LRRC4C: variants seen among roughly 807,000 people sequenced by gnomAD.
LRRC4C encodes the protein leucine-rich repeat-containing protein 4C.
Under a neutral mutation model 33.6 loss-of-function variants are expected in LRRC4C, and 5 were observed. The ratio of observed to expected loss-of-function variants is 0.15; its 90% CI spans 0.08 to 0.31. LRRC4C has a LOEUF of 0.31. LRRC4C is among the 10% of genes least tolerant of loss of function. LRRC4C has a pLI of 1.00. For synonymous variants in LRRC4C, 329 were observed against 302.0 expected, an observed-to-expected ratio of 1.09 and a Z score of -0.93; for missense variants, 560 against 796.7, an observed-to-expected ratio of 0.70 and a Z score of 3.58.
intron 5 of LRRC4C, among the ~76,000 whole-genome samples, chr11:40,156,410 C>T (rs1368968552): frequency 2.6e-5 from 4 of 152,110 alleles, no homozygotes; most frequent in Admixed American, 6.6e-5. Context: ...GTCAAACTGT[C>T]ACTGTTTGCT....
intron 4 of LRRC4C, among the ~76,000 whole-genome samples, chr11:40,298,446 A>ATC (rs1221502568): frequency 2.0e-5 from 3 of 150,336 alleles, no homozygotes; most frequent in Non-Finnish European, 3.0e-5. Context: ...CCCCACATGC[A>ATC]TCTCTCTCTC....
chr11:40,303,823 T>C (rs1235545186), intron 4 of LRRC4C, among the ~76,000 whole-genome samples: 1 of 152,210 alleles, frequency 6.6e-6, no homozygotes, highest in East Asian at 1.9e-4. Context: ...TTTGGGCTTT[T>C]AGATTTTACG....
chr11:40,730,152 A>C (rs531992851), intron 2 of LRRC4C, among the ~76,000 whole-genome samples: 2 of 152,316 alleles, frequency 1.3e-5, no homozygotes, highest in South Asian at 4.1e-4. Context: ...AACTAATGCT[A>C]GATGACAAGT....
At chr11:40,844,249 A>T (rs562682037) in intron 2 of LRRC4C, among the ~76,000 whole-genome samples, 113 of 152,032 alleles carry the variant, frequency 7.4e-4, no homozygotes, top group Non-Finnish European at 1.5e-3. Flanking sequence ...AAAAAAAAAA[A>T]ATACAAAATA....
intron 1 of LRRC4C, among the ~76,000 whole-genome samples, chr11:41,107,488 T>G (rs651384): frequency 0.96 from 146,008 of 152,058 alleles, 70,415 homozygotes; most frequent in East Asian, 1. Context: ...TATTTATGTT[T>G]TATTTCTAAA....
chr11:40,973,839 C>T (rs923745363), intron 1 of LRRC4C, among the ~76,000 whole-genome samples: 1 of 151,496 alleles, frequency 6.6e-6, no homozygotes, highest in Non-Finnish European at 1.5e-5. Context: ...TCCCTTTTTT[C>T]AAGCAACTGT....
intron 1 of LRRC4C, among the ~76,000 whole-genome samples, chr11:41,344,393 T>A (rs1211347501): frequency 6.6e-6 from 1 of 152,068 alleles, no homozygotes; most frequent in Non-Finnish European, 1.5e-5. Flanking sequence ...GCTAATTTTT[T>A]GTATTTTTAG....
chr11:40,240,231 G>C (rs189012482), intron 5 of LRRC4C, among the ~76,000 whole-genome samples: 40 of 152,164 alleles, frequency 2.6e-4, no homozygotes, highest in Admixed American at 1.1e-3. Context: ...AAAGAAAAAA[G>C]ATTTCTCCAG....
At chr11:41,196,065 A>T (rs1224740689) in intron 1 of LRRC4C, among the ~76,000 whole-genome samples, 1 of 152,064 alleles carries the variant, frequency 6.6e-6, no homozygotes, top group East Asian at 1.9e-4. Context: ...ATTTGGACAC[A>T]ATAGAAGGGG....
At chr11:40,207,613 A>G (rs1863256656) in intron 5 of LRRC4C, among the ~76,000 whole-genome samples, 1 of 152,174 alleles carries the variant, frequency 6.6e-6, no homozygotes, top group African/African-American at 2.4e-5. Context: ...AAAAACAAAG[A>G]AATAGGAGAG....
chr11:41,330,038 G>A (rs1951244176), intron 1 of LRRC4C, among the ~76,000 whole-genome samples: 1 of 152,172 alleles, frequency 6.6e-6, no homozygotes. Flanking sequence ...AAACTTTGTT[G>A]GTTTGGAACT....
intron 3 of LRRC4C, among the ~76,000 whole-genome samples, chr11:40,559,831 C>T (rs1565504842): frequency 6.6e-6 from 1 of 151,826 alleles, no homozygotes; most frequent in Non-Finnish European, 1.5e-5. Context: ...TGATATTAAG[C>T]TTTTTTTTCA....
intron 2 of LRRC4C, among the ~76,000 whole-genome samples, chr11:40,910,837 C>A (rs1465508615): frequency 6.6e-6 from 1 of 152,174 alleles, no homozygotes; most frequent in Non-Finnish European, 1.5e-5. Context: ...AAAATCAGGT[C>A]ACTCCCACCC....
chr11:40,356,184 C>T (rs55648458), intron 3 of LRRC4C, among the ~76,000 whole-genome samples: 1,775 of 152,076 alleles, frequency 0.012, 29 homozygotes, highest in African/African-American at 0.04. Context: ...ATTTCAAAGG[C>T]GTAAACACTC....
At position 40,910,308 on chromosome 11, in the gene LRRC4C, A is replaced by C. The variant is rs185662915; in HGVS notation, c.-407+23327T>G. Among the ~76,000 whole-genome samples, 296 of 152,302 alleles carry C rather than the reference A, an allele frequency of 1.9e-3. 1 individual carries two copies. The highest frequency in any genetic ancestry group is 6.8e-3 in the African/African-American group (281 of 41,558). ...TCTATTTTATTCAAAAAATTACCCAAGACAAAAAAAGGAAAGGATTAGGAA... is the reference window on the plus strand; with the variant it reads ...TCTATTTTATTCAAAAAATTACCCACGACAAAAAAAGGAAAGGATTAGGAA... On this transcript the variant is annotated intron_variant, in intron 2 of 6. Transcript: ENST00000528697.
intron 3 of LRRC4C, among the ~76,000 whole-genome samples, chr11:40,400,604 C>T (rs1380824204): frequency 2.0e-5 from 3 of 152,102 alleles, no homozygotes; most frequent in Non-Finnish European, 2.9e-5. Context: ...CCCTCCATCT[C>T]CATTTCTTGC....
intron 3 of LRRC4C, among the ~76,000 whole-genome samples, chr11:40,450,662 A>G (rs1951841651): frequency 6.6e-6 from 1 of 152,012 alleles, no homozygotes; most frequent in South Asian, 2.1e-4. Context: ...ACAATTAGAA[A>G]TATTATAGTT....
chr11:40,733,950 T>C (rs1947732056), intron 2 of LRRC4C, among the ~76,000 whole-genome samples: 2 of 152,184 alleles, frequency 1.3e-5, no homozygotes, highest in Admixed American at 1.3e-4. Context: ...TACTGTTACC[T>C]GGGAAAGAGG....
intron 1 of LRRC4C, among the ~76,000 whole-genome samples, chr11:41,034,616 T>C (rs1291145929): frequency 1.2e-5 from 1 of 85,938 alleles, no homozygotes; most frequent in East Asian, 4.9e-4. Context: ...CGTATATATA[T>C]ATATATATAT....
Sources: gnomAD v4.1 joint callset for allele counts (sites outside exome capture counted in the v4.1 genomes callset) on GRCh38, gnomAD v4.1.1 for gene constraint, MANE v1.5 for transcripts, NCBI Gene and HGNC (gene_info 2026-07-23, HGNC 2026-07-21) for gene names.